The following NFATC1 variants were observed in gnomAD, a reference collection of about 807,000 sequenced individuals.
The protein encoded by NFATC1 is nuclear factor of activated T-cells, cytoplasmic 1.
A neutral mutation model predicts 76.0 loss-of-function variants in NFATC1; 22 were observed. That is an observed-to-expected ratio of 0.29 (90% CI 0.21 to 0.41). The LOEUF (loss-of-function observed/expected upper bound fraction) is 0.41, where lower values mean the gene tolerates loss of function less well. Among genes scored for constraint, NFATC1 ranks in the 10% least tolerant of loss-of-function variants. NFATC1 has a pLI of 1.00. For missense variants in NFATC1, 1,357 were observed against 1,337.7 expected (o/e 1.01, Z -0.23); for synonymous variants, 704 against 613.1 (o/e 1.15, Z -2.19).
intron 9 of NFATC1, among the ~76,000 whole-genome samples, chr18:79,523,429 A>G (rs934280606): frequency 1.3e-5 from 2 of 152,260 alleles, no homozygotes; most frequent in African/African-American, 4.8e-5. Flanking sequence ...TTCTTTCAAA[A>G]TGATGATCAA....
At chr18:79,482,524 G>GT (rs200820144) in intron 8 of NFATC1, among the ~76,000 whole-genome samples, 4 of 124,348 alleles carry the variant, frequency 3.2e-5, no homozygotes, top group African/African-American at 6.3e-5. Context: ...GCGTGACCTG[G>GT]TCCTGGGGTG....
chr18:79,436,931 A>G (rs1485265910), intron 3 of NFATC1, among the ~76,000 whole-genome samples: 3 of 152,068 alleles, frequency 2.0e-5, no homozygotes, highest in Non-Finnish European at 4.4e-5. Flanking sequence ...GCCAGCCCCT[A>G]TTCTTCTGGC....
chr18:79,507,382 G>A (rs2090140570), intron 9 of NFATC1, among the ~76,000 whole-genome samples: 1 of 152,226 alleles, frequency 6.6e-6, no homozygotes, highest in South Asian at 2.1e-4. Flanking sequence ...CATGCGAGCG[G>A]CCGCGTAAAT....
intron 6 of NFATC1, among the ~76,000 whole-genome samples, chr18:79,452,807 G>A (rs547872192): frequency 6.2e-4 from 94 of 152,308 alleles, no homozygotes; most frequent in African/African-American, 1.9e-3. Context: ...GCCAGGTGAG[G>A]GGCATGCCCC....
chr18:79,415,572 G>T (rs1392036866), intron 2 of NFATC1, among the ~76,000 whole-genome samples: 1 of 151,800 alleles, frequency 6.6e-6, no homozygotes, highest in Admixed American at 6.6e-5. Flanking sequence ...ATGAGCCACC[G>T]CGCCCAGCCC....
In NFATC1 at chr18:79,447,418, A is replaced by G. The variant is rs562399375; in HGVS notation, c.1387-1364A>G. On this transcript the variant is annotated intron_variant, in intron 3 of 9. Transcript: ENST00000427363. ...CCAGGCCTGGACTCTGCACGTGGTC[A>G]TCGTGCTGCAGTTGCCGTCTGTGGT... is the stretch of plus-strand genomic sequence containing the variant. Among the ~76,000 whole-genome samples the G allele has an allele frequency of 1.2e-4, 18 of 152,256 alleles. No individual in the cohort carries two copies. The South Asian group carries it at 2.3e-3, about 19-fold the overall frequency.
At chr18:79,436,590 T>C (rs1216289351) in intron 3 of NFATC1, among the ~76,000 whole-genome samples, 1 of 152,228 alleles carries the variant, frequency 6.6e-6, no homozygotes, top group Non-Finnish European at 1.5e-5. Flanking sequence ...CCCATGTGTT[T>C]CGCAGTTGGG....
At chr18:79,407,246 G>A (rs1320651609) in intron 1 of NFATC1, among the ~76,000 whole-genome samples, 7 of 152,246 alleles carry the variant, frequency 4.6e-5, no homozygotes, top group Non-Finnish European at 1.0e-4. Context: ...GAGCCTGGGG[G>A]CGGGGGGCAC....
chr18:79,418,687 G>A (rs1482775677), intron 2 of NFATC1, among the ~76,000 whole-genome samples: 2 of 152,224 alleles, frequency 1.3e-5, no homozygotes, highest in African/African-American at 4.8e-5. Flanking sequence ...CGAGCACCCT[G>A]GTCTTGGCTC....
intron 7 of NFATC1, among the ~76,000 whole-genome samples, chr18:79,464,833 G>A (rs939668990): frequency 6.6e-6 from 1 of 150,992 alleles, no homozygotes; most frequent in Non-Finnish European, 1.5e-5. Context: ...AGCCTCGCCA[G>A]TAGCTGGGGA....
At position 79,528,245 on chromosome 18, in the gene NFATC1, C is replaced by T. The variant is rs1601033893; in HGVS notation, c.*668C>T. On this transcript the variant is annotated 3_prime_UTR_variant, in exon 10 of 10. Coordinates refer to ENST00000427363, the MANE Select transcript of NFATC1 (RefSeq NM_001278669.2). ...TTGAAACCGTAGGCTTGTTCATAGT[C>T]GCATGCTCGCATCTTTGTTTTTAAT... 1.1e-5 allele frequency: 3 copies of T among 278,310 alleles called. No homozygotes were observed. The East Asian group carries it at 1.8e-4, about 17-fold the overall frequency. The allele number at this position is 278,310 out of a possible 1,614,324, so 17.2% of individuals were successfully genotyped here. A position where few individuals can be genotyped will look rare whatever the true frequency, so the allele number is the denominator to read the frequency against.
At chr18:79,478,958 G>A (rs548166293) in intron 8 of NFATC1, among the ~76,000 whole-genome samples, 16 of 152,328 alleles carry the variant, frequency 1.1e-4, no homozygotes, top group East Asian at 1.9e-4. Flanking sequence ...ACCACTGCGC[G>A]CCGCCTCCAC....
At chr18:79,513,593 G>A (rs996743031) in intron 9 of NFATC1, among the ~76,000 whole-genome samples, 20 of 152,266 alleles carry the variant, frequency 1.3e-4, no homozygotes, top group Admixed American at 1.3e-4. Context: ...GGGCGTGGAC[G>A]TCGTCTTTCG....
intron 8 of NFATC1, among the ~76,000 whole-genome samples, chr18:79,481,255 G>A (rs1371093720): frequency 3.9e-5 from 6 of 152,220 alleles, no homozygotes; most frequent in East Asian, 1.9e-4. Context: ...AGCTGCGTCC[G>A]CAGAGCTGGG....
chr18:79,522,377 TG>T (rs71161790), intron 9 of NFATC1, among the ~76,000 whole-genome samples: 6 of 40,264 alleles, frequency 1.5e-4, no homozygotes, highest in South Asian at 1.2e-3. Context: ...TCTGTGTGTG[TG>T]GGGGGGGGTG....
intron 9 of NFATC1, among the ~76,000 whole-genome samples, chr18:79,511,035 G>T (rs990469033): frequency 6.6e-6 from 1 of 152,210 alleles, no homozygotes; most frequent in African/African-American, 2.4e-5. Context: ...GCGTGGGCCC[G>T]CGGTGTCTGT....
intron 2 of NFATC1, among the ~76,000 whole-genome samples, chr18:79,415,758 A>G (rs1461676871): frequency 2.0e-5 from 3 of 152,142 alleles, no homozygotes; most frequent in African/African-American, 7.2e-5. Flanking sequence ...GGTTGGTGCA[A>G]TAACGTATAT....
At chr18:79,425,047 GTCTC>G (rs1371240880) in intron 2 of NFATC1, among the ~76,000 whole-genome samples, 3 of 137,180 alleles carry the variant, frequency 2.2e-5, no homozygotes, top group South Asian at 2.5e-4. Flanking sequence ...CTCTCTCTCC[GTCTC>G]TGTTTCTCTC....
intron 3 of NFATC1, among the ~76,000 whole-genome samples, chr18:79,443,272 C>T (rs1288211277): frequency 7.2e-5 from 11 of 152,324 alleles, no homozygotes; most frequent in Non-Finnish European, 1.5e-4. Context: ...TTGTGCACCG[C>T]GCGTATGGAC....
Sources: gnomAD v4.1 joint callset for allele counts (sites outside exome capture counted in the v4.1 genomes callset) on GRCh38, gnomAD v4.1.1 for gene constraint, MANE v1.5 for transcripts, NCBI Gene and HGNC (gene_info 2026-07-23, HGNC 2026-07-21) for gene names.